Variants in NDUFB7 observed in about 807,000 individuals in gnomAD.
NDUFB7 encodes the protein NADH dehydrogenase [ubiquinone] 1 beta subcomplex subunit 7.
NDUFB7 carries 18 observed loss-of-function variants against 14.7 expected under a neutral mutation model. The observed-to-expected ratio is 1.22, with a 90% CI of 0.85 to 1.81. The LOEUF (loss-of-function observed/expected upper bound fraction) is 1.81, where lower values mean the gene tolerates loss of function less well. Ranked by LOEUF, NDUFB7 falls within the 40% of genes most tolerant of loss-of-function variation. The pLI is 0.00. For synonymous variants in NDUFB7, 86 were observed against 76.1 expected, an observed-to-expected ratio of 1.13 and a Z score of -0.68; for missense variants, 219 against 195.0, an observed-to-expected ratio of 1.12 and a Z score of -0.73.
At chr19:14,568,598 A>G (rs1032225533) in intron 1 of NDUFB7, among the ~76,000 whole-genome samples, 1 of 152,108 alleles carries the variant, frequency 6.6e-6, no homozygotes, top group South Asian at 2.1e-4. Context: ...AACACAACAC[A>G]CAAGTGTCCC....
intron 2 of NDUFB7, 42 bp from the exon 3 acceptor site, chr19:14,566,307 A>G: frequency 6.2e-7 from 1 of 1,611,946 alleles, no homozygotes; most frequent in Non-Finnish European, 8.5e-7. Context: ...GTCCCTGGCC[A>G]GGACACGCCC....
intron 1 of NDUFB7, among the ~76,000 whole-genome samples, chr19:14,570,806 G>A (rs1201431137): frequency 2.6e-5 from 4 of 152,214 alleles, no homozygotes; most frequent in Non-Finnish European, 5.9e-5. Flanking sequence ...ACGTGGCCCA[G>A]AGCTGGTGCT....
At chr19:14,566,605 C>CA (rs2074088140) in intron 2 of NDUFB7, among the ~76,000 whole-genome samples, 160 bp downstream of exon 2, 1 of 136 alleles carries the variant, frequency 7.4e-3, no homozygotes, top group Non-Finnish European at 0.015. Flanking sequence ...TGCCAGGGGC[C>CA]AGGCCTGGGT....
chr19:14,572,050 T>G lies in NDUFB7; in HGVS notation c.-50A>C. ...CAGCAGCCGAGGGTCACCTAGCTCC[T>G]ACCCGGAACCACTGACCCCTCAGTC... On this transcript the variant is annotated 5_prime_UTR_variant, in exon 1 of 3. Coordinates refer to ENST00000215565, the MANE Select transcript of NDUFB7 (RefSeq NM_004146.6). The G allele has an allele frequency of 2.1e-6, 3 of 1,401,830 alleles. No individual in the cohort carries two copies. Among genetic ancestry groups the G allele is most frequent in the Non-Finnish European group, 2.9e-6 (3 of 1,026,304 alleles). 86.8% of individuals were successfully genotyped at this position (1,401,830 alleles called of 1,614,324 possible). A position where few individuals can be genotyped will look rare whatever the true frequency, so the allele number is the denominator to read the frequency against.
At position 14,566,790 on chromosome 19, in the gene NDUFB7, C is replaced by G. The variant is rs758427722; in HGVS notation, c.256G>C (p.Asp86His). 1.9e-6 allele frequency: 3 copies of G among 1,545,800 alleles called. No individual in the cohort carries two copies. The highest frequency in any genetic ancestry group is 2.2e-4 in the Middle Eastern group (1 of 4,554). The change falls in exon 2 of 3, where the codon GAC (aspartate) becomes CAC (histidine). Residue 86 changes from aspartate (D) to histidine (H), a missense_variant. By Grantham distance (81) the Asp-to-His change is moderately conservative. Transcript: ENST00000215565. The stretch of plus-strand genomic sequence containing the variant: ...TCGCGGTGCTCGCAGTAGTCCCAGT[C>G]GTGCCGCTCCTGCTTGCAGGCCAGG... ...NFLACKQERH[D>H]WDYCEHRDYV...
rs749110394 is a variant in NDUFB7, at chr19:14,572,040, A to C, written c.-40T>G. On this transcript the variant is annotated 5_prime_UTR_variant, in exon 1 of 3. Coordinates refer to ENST00000215565, the MANE Select transcript of NDUFB7 (RefSeq NM_004146.6). ...CAGATCCCTGCAGCAGCCGAGGGTC[A>C]CCTAGCTCCTACCCGGAACCACTGA... 1.4e-6 allele frequency: 2 copies of C among 1,477,394 alleles called. No homozygotes were observed. The highest frequency in any genetic ancestry group is 2.0e-5 in the Admixed American group (1 of 49,064). 91.5% of individuals were successfully genotyped at this position (1,477,394 alleles called of 1,614,324 possible). A position where few individuals can be genotyped will look rare whatever the true frequency, so the allele number is the denominator to read the frequency against.
chr19:14,572,010 C>A lies in NDUFB7; in HGVS notation c.-10G>T, dbSNP rs1364605735. The A allele has an allele frequency of 5.1e-6, 8 of 1,579,962 alleles. No individual in the cohort carries two copies. The African/African-American group carries it at 5.4e-5, about 11-fold the overall frequency. ...CCAGGTGGGCCCCCATGGCTGCAGT[C>A]GCTGCAGATCCCTGCAGCAGCCGAG... On this transcript the variant is annotated 5_prime_UTR_variant, in exon 1 of 3. Coordinates refer to ENST00000215565, the MANE Select transcript of NDUFB7 (RefSeq NM_004146.6).
In NDUFB7 at chr19:14,566,910, TCTC is replaced by T. The variant is rs778104600; in HGVS notation, c.133_135del (p.Glu45del). The T allele has an allele frequency of 7.6e-6, 12 of 1,584,768 alleles. No homozygotes were observed. The East Asian group carries it at 1.8e-4, about 24-fold the overall frequency. On this transcript the variant is annotated inframe_deletion, in exon 2 of 3. Transcript: ENST00000215565. Reference sequence around the variant, plus strand: ...TGGAGCCTCAGCTGCGCGTCCATCATCTCCTGCTGTGTGGCCACCATCTCTGCA... The same window carrying T: ...TGGAGCCTCAGCTGCGCGTCCATCATCTGCTGTGTGGCCACCATCTCTGCA...
At chr19:14,568,901 G>A (rs1167271189) in intron 1 of NDUFB7, among the ~76,000 whole-genome samples, 1 of 151,944 alleles carries the variant, frequency 6.6e-6, no homozygotes, top group South Asian at 2.1e-4. Context: ...TGGGCCAGGC[G>A]CGGTGGCTCA....
chr19:14,571,763 C>G (rs1026837465), intron 1 of NDUFB7, 126 bp downstream of exon 1: 1 of 893,100 alleles, frequency 1.1e-6, no homozygotes, highest in African/African-American at 1.7e-5. Context: ...GACTCCTAGT[C>G]TAGACCCAAA....
In NDUFB7 at chr19:14,571,914, GT is replaced by G; in HGVS notation, c.86del (p.Tyr29SerfsTer18). 6.2e-7 allele frequency: 1 copy of G among 1,611,760 alleles called. No individual in the cohort carries two copies. The highest frequency in any genetic ancestry group is 8.5e-7 in the Non-Finnish European group (1 of 1,179,398). Reference protein sequence around the residue: ...PLQMPTFPPDYGFPERKEREM... With the variant: ...PLQMPTFPPDXGFPERKEREM... ...CGCGCTCCTTGCGTTCGGGGAAGCC[GT>G]AGTCTGGCGGGAAGGTTGGCATCTG... On this transcript the variant is annotated frameshift_variant, in exon 1 of 3. Coordinates refer to ENST00000215565, the MANE Select transcript of NDUFB7 (RefSeq NM_004146.6). LOFTEE classifies it high-confidence loss of function.
At position 14,566,796 on chromosome 19, in the gene NDUFB7, G is replaced by A. The variant is rs200757972; in HGVS notation, c.250C>T (p.Arg84Trp). ...TGCTCGCAGTAGTCCCAGTCGTGCC[G>A]CTCCTGCTTGCAGGCCAGGAAGTTG... ...FPNFLACKQE[R>W]HDWDYCEHRD... The change falls in exon 2 of 3, where the codon CGG (arginine) becomes TGG (tryptophan). Residue 84 changes from arginine (R) to tryptophan (W), a missense_variant. Physicochemically the swap from Arg to Trp is moderately radical, Grantham distance 101 (BLOSUM62 -3). Transcript: ENST00000215565. The A allele has an allele frequency of 1.8e-4, 274 of 1,546,426 alleles. 2 individuals carry two copies. The East Asian group carries it at 2.1e-3, about 12-fold the overall frequency.
intron 1 of NDUFB7, among the ~76,000 whole-genome samples, chr19:14,569,552 A>G (rs983013751): frequency 2.0e-5 from 3 of 152,134 alleles, no homozygotes; most frequent in South Asian, 2.1e-4. Flanking sequence ...CAGAGTAAGC[A>G]AGAGAGAAGG....
At position 14,566,735 on chromosome 19, in the gene NDUFB7, GGTGTTGGGGGCTGGT is replaced by G; in HGVS notation, c.281+15_281+29del. 2.0e-6 allele frequency: 3 copies of G among 1,527,788 alleles called. No individual in the cohort carries two copies. The highest frequency in any genetic ancestry group is 2.6e-6 in the Non-Finnish European group (3 of 1,139,746). The allele number at this position is 1,527,788 out of a possible 1,614,324, so 94.6% of individuals were successfully genotyped here. On this transcript the variant is annotated intron_variant, in intron 2 of 2. Transcript: ENST00000215565. Reference sequence around the variant, plus strand: ...GGGGGTATGGGGTGTTGCGGGCCGGGGTGTTGGGGGCTGGTGTGGGGGTGCTCACTCGCGGTGCTC... The same window carrying G: ...GGGGGTATGGGGTGTTGCGGGCCGGGGTGGGGGTGCTCACTCGCGGTGCTC...
In NDUFB7 at chr19:14,566,094, CTTTTA is replaced by C; in HGVS notation, c.*34_*38del. The C allele has an allele frequency of 6.3e-7, 1 of 1,586,690 alleles. No individual in the cohort carries two copies. Among genetic ancestry groups the C allele is most frequent in the Non-Finnish European group, 8.6e-7 (1 of 1,165,694 alleles). On this transcript the variant is annotated 3_prime_UTR_variant, in exon 3 of 3. Coordinates refer to ENST00000215565, the MANE Select transcript of NDUFB7 (RefSeq NM_004146.6). ...GGACTCTGGTTGAGGGGCCTGAAGG[CTTTTA>C]TTTGACTGGTCCATAGGGTGGGGGG...
At chr19:14,566,671 C>T in intron 2 of NDUFB7, 94 bp downstream of exon 2, 3 of 943,042 alleles carry the variant, frequency 3.2e-6, no homozygotes, top group Non-Finnish European at 4.3e-6. Flanking sequence ...GCGGGCTGGG[C>T]ATGTGGGGGG....
rs2074103159 is a variant in NDUFB7, at chr19:14,567,967, T to A, written c.113-1034A>T. ...CCCAGCCTCCCGCTTCCTTCTTTCC[T>A]GTGGCTCCTCCCACATCCCTCCTCC... On this transcript the variant is annotated intron_variant, in intron 1 of 2. Transcript: ENST00000215565. This position sits in a 1 kb window ranked among gnomAD's most constrained non-coding sequence, Gnocchi z 5.1. Among the ~76,000 whole-genome samples, 1 of 152,206 alleles carries A rather than the reference T, an allele frequency of 6.6e-6. No homozygotes were observed. The highest frequency in any genetic ancestry group is 2.4e-5 in the African/African-American group (1 of 41,456).
intron 1 of NDUFB7, among the ~76,000 whole-genome samples, chr19:14,568,320 C>A (rs756071957): frequency 6.6e-6 from 1 of 152,194 alleles, no homozygotes; most frequent in Non-Finnish European, 1.5e-5. Context: ...GCTGGGATTA[C>A]AGGTGTGAGC....
At position 14,567,653 on chromosome 19, in the gene NDUFB7, G is replaced by A. The variant is rs772374166; in HGVS notation, c.113-720C>T. Among the ~76,000 whole-genome samples the A allele has an allele frequency of 8.6e-5, 13 of 151,988 alleles. No individual in the cohort carries two copies. Among genetic ancestry groups the A allele is most frequent in the African/African-American group, 1.5e-4 (6 of 41,376 alleles). ...GCCTGTGCCTGGCGATCCTGCACTCGTTCCCCACCGCCTCCCTCAGACCCA... is the reference window on the plus strand; with the variant it reads ...GCCTGTGCCTGGCGATCCTGCACTCATTCCCCACCGCCTCCCTCAGACCCA... On this transcript the variant is annotated intron_variant, in intron 1 of 2. Transcript: ENST00000215565. This position sits in a 1 kb window ranked among gnomAD's most constrained non-coding sequence, Gnocchi z 5.1.
Sources: gnomAD v4.1 joint callset for allele counts (sites outside exome capture counted in the v4.1 genomes callset) on GRCh38, gnomAD v4.1.1 for gene constraint, Gnocchi (gnomAD v3.1) non-coding constraint, MANE v1.5 for transcripts, NCBI Gene and HGNC (gene_info 2026-07-23, HGNC 2026-07-21) for gene names.